Variants in ATG2A observed in about 807,000 individuals in gnomAD.
ATG2A encodes autophagy related 2A.
A neutral mutation model predicts 214.2 loss-of-function variants in ATG2A; 103 were observed. That is an observed-to-expected ratio of 0.48 (90% CI 0.41 to 0.57). ATG2A has a LOEUF of 0.57. Among genes scored for constraint, ATG2A ranks in the 20% least tolerant of loss-of-function variants. The pLI is 0.00. For synonymous variants in ATG2A, 1,160 were observed against 1,142.1 expected, an observed-to-expected ratio of 1.02 and a Z score of -0.32; for missense variants, 2,312 against 2,613.2, an observed-to-expected ratio of 0.88 and a Z score of 2.51.
Position 64,898,298 on chromosome 11 carries a change from C to T in ATG2A, c.4736G>A (p.Arg1579His), listed in dbSNP as rs776977388. The part of the protein sequence containing the change: ...TNLGGPECCL[R>H]VSLMPLRLNV... ...GAGCCGCAGGGGCATCAGCGAGACG[C>T]GGAGACAGCACTCAGGCCCACCCAG... The change falls in exon 33 of 41, where the codon CGC becomes CAC. Residue 1579 changes from arginine to histidine, a missense_variant. Physicochemically the swap from Arg to His is conservative, Grantham distance 29. Transcript: ENST00000377264. This position sits in a 1 kb window ranked among gnomAD's most constrained non-coding sequence, Gnocchi z 4.5. 1.4e-5 allele frequency: 23 copies of T among 1,613,214 alleles called. No individual in the cohort carries two copies. Among genetic ancestry groups the T allele is most frequent in the Middle Eastern group, 1.7e-4 (1 of 5,954 alleles).
Position 64,897,942 on chromosome 11 carries a change from G to C in ATG2A, c.4891C>G (p.Pro1631Ala). 1 of 1,549,706 alleles carries C rather than the reference G, an allele frequency of 6.5e-7. No homozygotes were observed. Among genetic ancestry groups the C allele is most frequent in the Non-Finnish European group, 8.7e-7 (1 of 1,150,386 alleles). The change falls in exon 35 of 41, where the codon CCC becomes GCC. Residue 1631 changes from proline to alanine, a missense_variant. Transcript: ENST00000377264. ...ACGCCTTCGGCCTGCCCTTCCAGGGGGCTGCTGGGCTGGGCTCGAGTCTCG... is the reference window on the plus strand; with the variant it reads ...ACGCCTTCGGCCTGCCCTTCCAGGGCGCTGCTGGGCTGGGCTCGAGTCTCG... ...RPETRAQPSS[P>A]LEGQAEGVET... is the part of the protein sequence containing the mutation.
intron 31 of ATG2A, among the ~76,000 whole-genome samples, chr11:64,899,877 G>T (rs373563682): frequency 0.026 from 3,128 of 121,892 alleles, 97 homozygotes; most frequent in African/African-American, 0.089. Context: ...TTTTTTTTTT[G>T]AAACAGAGTC....
rs73474784 is a variant in ATG2A at position 64,913,581 on chromosome 11, C to G, written c.591-180G>C. The G allele has an allele frequency of 1.1e-3, 947 of 897,858 alleles. 9 individuals are homozygous for G. In the African/African-American group the frequency reaches 0.014, roughly 14 times the overall value. 55.6% of individuals were successfully genotyped at this position (897,858 alleles called of 1,614,324 possible). A position where few individuals can be genotyped will look rare whatever the true frequency, so the allele number is the denominator to read the frequency against. On this transcript the variant is annotated intron_variant, in intron 4 of 40. Transcript: ENST00000377264. This position sits in a 1 kb window ranked among gnomAD's most constrained non-coding sequence, Gnocchi z 4.3. ...CGGAGGCTCAGGCCAGCCCTTGCTC[C>G]TCAGACCCTCAGCATCTAACTTGGT...
At chr11:64,904,861 T>TATCTATC (rs1451953835) in intron 24 of ATG2A, among the ~76,000 whole-genome samples, 1 of 152,132 alleles carries the variant, frequency 6.6e-6, no homozygotes, top group Non-Finnish European at 1.5e-5. Flanking sequence ...TCTATCTATC[T>TATCTATC]ATGTATTTAT....
chr11:64,912,298 C>T, intron 7 of ATG2A, 29 bp downstream of exon 7: 1 of 1,606,618 alleles, frequency 6.2e-7, no homozygotes, highest in Admixed American at 1.7e-5. Flanking sequence ...TCCCAGCCAC[C>T]CCACCCCCAT....
chr11:64,911,258 G>C lies in ATG2A; in HGVS notation c.1246C>G (p.Pro416Ala), dbSNP rs150434804. 1.2e-5 allele frequency: 19 copies of C among 1,613,808 alleles called. No homozygotes were observed. The highest frequency in any genetic ancestry group is 6.7e-5 in the Admixed American group (4 of 60,028). Residue 416 changes from proline to alanine, a missense_variant, in exon 10 of 41, where the codon CCC (proline) becomes GCC (alanine). By Grantham distance (27) the Pro-to-Ala change is conservative. Transcript: ENST00000377264. Reference protein sequence around the residue: ...AHPAGKMAPNPLLDTMRPDSL... With the variant: ...AHPAGKMAPNALLDTMRPDSL... ...TCAGGGCGCATGGTGTCCAGGAGGG[G>C]GTTGGGGGCCATCTTGCCTGAGGGG...
At chr11:64,904,552 A>T (rs111794428) in intron 24 of ATG2A, among the ~76,000 whole-genome samples, 6,750 of 152,170 alleles carry the variant, frequency 0.044, 383 homozygotes, top group African/African-American at 0.13. Context: ...TCAAAAAAAA[A>T]AAATAAATAA....
chr11:64,900,840 G>A, intron 30 of ATG2A, 44 bp downstream of exon 30: 1 of 1,539,064 alleles, frequency 6.5e-7, no homozygotes, highest in Non-Finnish European at 8.8e-7. Context: ...ACCAGCCTGA[G>A]CCCCAACCTT....
In ATG2A at chr11:64,907,934, A is replaced by G. The variant is rs188425212; in HGVS notation, c.2365-44T>C. The G allele has an allele frequency of 1.6e-3, 2,537 of 1,587,368 alleles. 33 individuals are homozygous for G. The African/African-American group carries it at 0.031, about 19-fold the overall frequency. On this transcript the variant is annotated intron_variant, in intron 16 of 40. Coordinates refer to ENST00000377264, the MANE Select transcript of ATG2A (RefSeq NM_015104.3). ...AAAGAGCAGGAGAGTCATCTTAGAG[A>G]CGCTGGCTGGGGCCTGTCTCTGGTC... is the stretch of plus-strand genomic sequence containing the variant.
rs202106316 is a variant in ATG2A, at chr11:64,906,531, C to T, written c.2986G>A (p.Ala996Thr). Residue 996 changes from alanine to threonine, a missense_variant and splice_region_variant, in exon 21 of 41, where the codon GCC becomes ACC. Physicochemically the swap from Ala to Thr is moderately conservative, Grantham distance 58. Transcript: ENST00000377264. The part of the protein sequence containing the change: ...AEKATLYHRA[A>T]VDDYPLPSHL... ...CTGGGCAGCGGGTAGTCATCCACGG[C>T]CGCTGGGGAGGGGTCTCATGAGCCC... The T allele has an allele frequency of 8.1e-5, 131 of 1,612,550 alleles. No individual in the cohort carries two copies. The Middle Eastern group carries it at 2.1e-3, about 26-fold the overall frequency.
chr11:64,902,024 C>A lies in ATG2A; in HGVS notation c.4057G>T (p.Asp1353Tyr). The change falls in exon 29 of 41, where the codon GAT becomes TAT. Residue 1353 changes from aspartate (D) to tyrosine (Y), a missense_variant. Coordinates refer to ENST00000377264, the MANE Select transcript of ATG2A (RefSeq NM_015104.3). ...TCATCACTGTCCAGGGTGTCTCCATCGCCCTCCTCTTCCCTTTCATCTTCC... is the reference window on the plus strand; with the variant it reads ...TCATCACTGTCCAGGGTGTCTCCATAGCCCTCCTCTTCCCTTTCATCTTCC... The part of the protein sequence containing the change: ...EKEDEREEEG[D>Y]GDTLDSDEFC... 1 of 1,613,988 alleles carries A rather than the reference C, an allele frequency of 6.2e-7. No individual in the cohort carries two copies. Among genetic ancestry groups the A allele is most frequent in the African/African-American group, 1.3e-5 (1 of 75,046 alleles).
intron 9 of ATG2A, among the ~76,000 whole-genome samples, chr11:64,911,602 G>C (rs1371072279): frequency 6.6e-6 from 1 of 152,196 alleles, no homozygotes. Flanking sequence ...TCTTCCTATG[G>C]AAGAGGAAGC....
intron 16 of ATG2A, among the ~76,000 whole-genome samples, chr11:64,908,467 G>A (rs1417266258): frequency 6.6e-6 from 1 of 152,104 alleles, no homozygotes; most frequent in African/African-American, 2.4e-5. Context: ...CAGGAGAATC[G>A]CTTGAGCCTG....
chr11:64,909,373 G>C lies in ATG2A; in HGVS notation c.2108-6C>G. Reference sequence around the variant, plus strand: ...CCCTCCATCTTCATAGATACCTGGAGGGGGATGGGGAATTAGGGGGGTCAT... The same window carrying C: ...CCCTCCATCTTCATAGATACCTGGACGGGGATGGGGAATTAGGGGGGTCAT... On this transcript the variant is annotated splice_polypyrimidine_tract_variant and splice_region_variant and intron_variant, in intron 14 of 40. Coordinates refer to ENST00000377264, the MANE Select transcript of ATG2A (RefSeq NM_015104.3). The C allele has an allele frequency of 6.2e-7, 1 of 1,611,400 alleles. No homozygotes were observed.
In ATG2A at chr11:64,903,672, C is replaced by A. The variant is rs1208252491; in HGVS notation, c.3465-12G>T. 4 of 1,548,434 alleles carry A rather than the reference C, an allele frequency of 2.6e-6. No individual in the cohort carries two copies. The highest frequency in any genetic ancestry group is 1.4e-5 in the African/African-American group (1 of 72,982). ...CATCGAGGATGAACCTGGGGGGGAA[C>A]AGGGCTGAGAAGGGCCCGGGCACCG... On this transcript the variant is annotated splice_polypyrimidine_tract_variant and intron_variant, in intron 24 of 40. Transcript: ENST00000377264. The surrounding 1 kb of genome is among the most constrained non-coding windows in gnomAD (Gnocchi z 4.2).
At chr11:64,909,214 C>T in intron 15 of ATG2A, 57 bp downstream of exon 15, 6 of 1,610,168 alleles carry the variant, frequency 3.7e-6, no homozygotes, top group Non-Finnish European at 5.1e-6. Flanking sequence ...AAACTGGCCC[C>T]CTGCCACCCC....
chr11:64,909,203 C>T (rs1944669099), intron 15 of ATG2A, 53 bp from the exon 16 acceptor site: 1 of 1,608,836 alleles, frequency 6.2e-7, no homozygotes, highest in Admixed American at 1.7e-5. Context: ...CACCCAGTTC[C>T]AAACTGGCCC....
chr11:64,914,336 A>G lies in ATG2A; in HGVS notation c.334+2T>C. 3 of 1,597,544 alleles carry G rather than the reference A, an allele frequency of 1.9e-6. No homozygotes were observed. The highest frequency in any genetic ancestry group is 2.6e-6 in the Non-Finnish European group (3 of 1,173,032). ...CTGCCCCCAGCCTCGCCCTGCCCTC[A>G]CCTGGACCCCGGCGGGGCTGCAAGG... On this transcript the variant is annotated splice_donor_variant, in intron 2 of 40. Coordinates refer to ENST00000377264, the MANE Select transcript of ATG2A (RefSeq NM_015104.3). LOFTEE classifies it high-confidence loss of function.
rs1944399392 is a variant in ATG2A, at chr11:64,902,694, G to A, written c.3613-14C>T. The A allele has an allele frequency of 6.2e-7, 1 of 1,603,594 alleles. No individual in the cohort carries two copies. On this transcript the variant is annotated splice_polypyrimidine_tract_variant and intron_variant, in intron 26 of 40. Transcript: ENST00000377264. ...TAGTGGCTGGCTCTGCAGGGGCGGG[G>A]TGGGGGGAGCAGCTATGTGAACACA...
Sources: gnomAD v4.1 joint callset for allele counts (sites outside exome capture counted in the v4.1 genomes callset) on GRCh38, gnomAD v4.1.1 for gene constraint, Gnocchi (gnomAD v3.1) non-coding constraint, MANE v1.5 for transcripts, NCBI Gene and HGNC (gene_info 2026-07-23, HGNC 2026-07-21) for gene names.